Variants in NLGN4X observed in about 807,000 individuals in gnomAD.
NLGN4X encodes the protein neuroligin 4 X-linked.
A neutral mutation model predicts 40.3 loss-of-function variants in NLGN4X; 3 were observed. The ratio of observed to expected loss-of-function variants is 0.07; its 90% CI spans 0.03 to 0.19. The LOEUF is 0.19. Among genes scored for constraint, NLGN4X ranks in the 10% least tolerant of loss-of-function variants. The pLI is 1.00. For synonymous variants in NLGN4X, 270 were observed against 306.8 expected, an observed-to-expected ratio of 0.88 and a Z score of 1.25; for missense variants, 382 against 708.3, an observed-to-expected ratio of 0.54 and a Z score of 5.23.
At chrX:6,062,056 A>G (rs1224642013) in intron 2 of NLGN4X, among the ~76,000 whole-genome samples, 1 of 111,063 alleles carries the variant, frequency 9.0e-6, no homozygotes, top group Non-Finnish European at 1.9e-5. Flanking sequence ...TGAACTTCAG[A>G]CTCTGACATC....
intron 2 of NLGN4X, among the ~76,000 whole-genome samples, chrX:6,036,350 C>A (rs147113807): frequency 9.0e-6 from 1 of 111,603 alleles, no homozygotes; most frequent in East Asian, 2.8e-4. Flanking sequence ...ATATCAGAGC[C>A]TGACCCAGAA....
chrX:6,224,594 T>C (rs1190928774), intron 1 of NLGN4X, among the ~76,000 whole-genome samples: 2 of 111,486 alleles, frequency 1.8e-5, no homozygotes, highest in Non-Finnish European at 3.8e-5. Context: ...GCTTGTAAAT[T>C]TCACAGCATC....
At chrX:6,088,775 A>G (rs1347357437) in intron 2 of NLGN4X, among the ~76,000 whole-genome samples, 1 of 112,164 alleles carries the variant, frequency 8.9e-6, no homozygotes, top group African/African-American at 3.2e-5. Context: ...ATTAATGATA[A>G]CATAAAGAAG....
At chrX:6,187,861 G>C (rs1922208702) in intron 1 of NLGN4X, 1 of 111,784 alleles carries the variant, frequency 8.9e-6, no homozygotes, top group Non-Finnish European at 1.9e-5. Context: ...AGCATGAAAA[G>C]GTAATTGACA....
At chrX:6,053,586 A>G (rs1014067422) in intron 2 of NLGN4X, among the ~76,000 whole-genome samples, 2 of 111,521 alleles carry the variant, frequency 1.8e-5, no homozygotes, top group African/African-American at 6.5e-5. Context: ...GCATATGACT[A>G]TGCATTTCCA....
Position 6,146,733 on chromosome X carries a change from A to G in NLGN4X, c.472+4262T>C, listed in dbSNP as rs796539954. 3.6e-5 allele frequency among the ~76,000 whole-genome samples: 4 copies of G among 110,004 alleles called. No homozygotes were observed. The East Asian group carries it at 1.1e-3, about 31-fold the overall frequency. ...ACAACCCAAAATTTCACTTTTCTAG[A>G]AATCATAATGGCATTTGCTGTTATG... On this transcript the variant is annotated intron_variant, in intron 2 of 5. Transcript: ENST00000381095.
At chrX:6,171,044 G>A (rs1402930043) in intron 1 of NLGN4X, among the ~76,000 whole-genome samples, 2 of 111,894 alleles carry the variant, frequency 1.8e-5, no homozygotes, top group Non-Finnish European at 3.8e-5. Context: ...GGCTGGTCTC[G>A]AACTGTTGGA....
At chrX:6,025,706 C>A (rs1166125960) in intron 3 of NLGN4X, among the ~76,000 whole-genome samples, 1 of 110,342 alleles carries the variant, frequency 9.1e-6, no homozygotes, top group East Asian at 2.9e-4. Context: ...GAGTTTGAGA[C>A]CAGCCTGGCC....
At position 5,985,086 on chromosome X, in the gene NLGN4X, A is replaced by AC. The variant is rs774391607; in HGVS notation, c.625+44193dup. 2.7e-5 allele frequency among the ~76,000 whole-genome samples: 3 copies of AC among 112,193 alleles called. No individual in the cohort carries two copies. In the Admixed American group the frequency reaches 2.8e-4, roughly 11 times the overall value. Reference sequence around the variant, plus strand: ...GGTCATAAACATGGAGCTAAAATACACTGACTACTGGGTATTTTCAGAGAA... The same window carrying AC: ...GGTCATAAACATGGAGCTAAAATACACCTGACTACTGGGTATTTTCAGAGAA... On this transcript the variant is annotated intron_variant, in intron 3 of 5. Transcript: ENST00000381095.
At chrX:6,095,629 A>G (rs1027686076) in intron 2 of NLGN4X, among the ~76,000 whole-genome samples, 3 of 112,484 alleles carry the variant, frequency 2.7e-5, no homozygotes, top group South Asian at 3.7e-4. Flanking sequence ...ATAAGGTAAC[A>G]CAATAGATTA....
intron 3 of NLGN4X, among the ~76,000 whole-genome samples, chrX:5,954,169 G>C (rs910530461): frequency 9.0e-6 from 1 of 110,664 alleles, no homozygotes; most frequent in African/African-American, 3.3e-5. Context: ...TCAAGTTTTG[G>C]AAGGTTGCAA....
intron 3 of NLGN4X, among the ~76,000 whole-genome samples, chrX:5,961,344 A>T (rs966819636): frequency 9.8e-5 from 11 of 112,329 alleles, no homozygotes; most frequent in African/African-American, 3.6e-4. Context: ...ATCTATTGAC[A>T]CTCCATTAAC....
intron 5 of NLGN4X, among the ~76,000 whole-genome samples, chrX:5,899,588 A>C (rs1216724385): frequency 5.4e-5 from 6 of 111,403 alleles, no homozygotes; most frequent in Non-Finnish European, 1.1e-4. Flanking sequence ...GCTCTCTCAG[A>C]CCTTCGTGAT....
intron 3 of NLGN4X, 143 bp downstream of exon 3, chrX:6,029,137 C>T (rs974810718): frequency 3.6e-5 from 24 of 675,903 alleles, no homozygotes; most frequent in South Asian, 2.7e-4. Flanking sequence ...ATAAACATAT[C>T]CAATCACATA....
intron 3 of NLGN4X, among the ~76,000 whole-genome samples, chrX:6,025,375 T>C (rs1443736199): frequency 8.9e-5 from 10 of 111,903 alleles, no homozygotes; most frequent in Admixed American, 6.6e-4. Context: ...TCTACAAGTG[T>C]CTTGTAATGT....
At chrX:6,072,502 T>TG (rs2038090713) in intron 2 of NLGN4X, among the ~76,000 whole-genome samples, 1 of 111,246 alleles carries the variant, frequency 9.0e-6, no homozygotes, top group African/African-American at 3.3e-5. Context: ...GAGGACAGAG[T>TG]GAAAAAAGCA....
At chrX:5,914,877 C>T (rs1260159588) in intron 3 of NLGN4X, among the ~76,000 whole-genome samples, 1 of 111,764 alleles carries the variant, frequency 8.9e-6, no homozygotes, top group Admixed American at 9.5e-5. Flanking sequence ...CAAAACTAAT[C>T]TTTGACGGTT....
chrX:6,133,455 A>G (rs2039730957), intron 2 of NLGN4X, among the ~76,000 whole-genome samples: 1 of 112,412 alleles, frequency 8.9e-6, no homozygotes, highest in Non-Finnish European at 1.9e-5. Context: ...ATTATCTTGC[A>G]TAAGCCATAT....
chrX:5,967,136 C>T (rs2034857056), intron 3 of NLGN4X, among the ~76,000 whole-genome samples: 1 of 111,275 alleles, frequency 9.0e-6, no homozygotes, highest in Non-Finnish European at 1.9e-5. Context: ...GCCATTTTAT[C>T]ATGGGGGGAA....
Sources: gnomAD v4.1 joint callset for allele counts (sites outside exome capture counted in the v4.1 genomes callset) on GRCh38, gnomAD v4.1.1 for gene constraint, MANE v1.5 for transcripts, NCBI Gene and HGNC (gene_info 2026-07-23, HGNC 2026-07-21) for gene names.